SLC44A5: variants seen among roughly 807,000 people sequenced by gnomAD.
The protein encoded by SLC44A5 is solute carrier family 44 member 5.
SLC44A5 carries 57 observed loss-of-function variants against 101.8 expected under a neutral mutation model. That is an observed-to-expected ratio of 0.56 (90% CI 0.45 to 0.70). The LOEUF (loss-of-function observed/expected upper bound fraction) is 0.70. Among genes scored for constraint, SLC44A5 ranks in the 30% least tolerant of loss-of-function variants. The probability of loss-of-function intolerance (pLI) is 0.00; values close to 1 mark genes in which losing one functional copy is unlikely to be tolerated. For synonymous variants in SLC44A5, 281 were observed against 290.9 expected, an observed-to-expected ratio of 0.97 and a Z score of 0.35; for missense variants, 737 against 853.1, an observed-to-expected ratio of 0.86 and a Z score of 1.70.
intron 2 of SLC44A5, among the ~76,000 whole-genome samples, chr1:75,487,507 T>C (rs1668216151): frequency 1.3e-5 from 2 of 152,028 alleles, no homozygotes; most frequent in Admixed American, 1.3e-4. Context: ...CTAAGACCAG[T>C]TAATTGTTCG....
At chr1:75,553,150 C>T (rs765687722) in intron 1 of SLC44A5, among the ~76,000 whole-genome samples, 34 of 152,106 alleles carry the variant, frequency 2.2e-4, no homozygotes, top group African/African-American at 3.4e-4. Context: ...ACCATGACTA[C>T]GGCATGAATA....
At chr1:75,236,956 G>T in intron 11 of SLC44A5, 31 bp downstream of exon 11, 1 of 1,205,400 alleles carries the variant, frequency 8.3e-7, no homozygotes, top group Non-Finnish European at 1.2e-6. Context: ...GAATGGGGCT[G>T]GAGAAGAAAC....
chr1:75,276,448 TC>T (rs1651925471), intron 5 of SLC44A5, among the ~76,000 whole-genome samples: 2 of 152,292 alleles, frequency 1.3e-5, no homozygotes, highest in South Asian at 4.1e-4. Context: ...AATGCCTTAT[TC>T]TTTTTTTTGT....
the SLC44A5 span, among the ~76,000 whole-genome samples, chr1:75,679,903 A>G: frequency 2.3e-4 from 35 of 152,316 alleles, 1 homozygote; most frequent in South Asian, 7.3e-3. Flanking sequence ...GCTCAAAATA[A>G]AAGGATGGAG....
At chr1:75,271,497 T>TTTTGTGTGTGTGTGTGTG (rs1553152601) in intron 6 of SLC44A5, among the ~76,000 whole-genome samples, 86 of 146,302 alleles carry the variant, frequency 5.9e-4, no homozygotes, top group South Asian at 8.8e-4. Context: ...TCTGCATGTT[T>TTTTGTGTGTGTGTGTGTG]TGTGTGTGTG....
At chr1:75,634,834 T>C in the SLC44A5 span, among the ~76,000 whole-genome samples, 2 of 152,148 alleles carry the variant, frequency 1.3e-5, no homozygotes, top group South Asian at 2.1e-4. Flanking sequence ...AAAGAGCTTC[T>C]GCACAGCAAA....
chr1:75,278,471 T>C (rs541068183), intron 5 of SLC44A5, among the ~76,000 whole-genome samples: 1 of 152,132 alleles, frequency 6.6e-6, no homozygotes, highest in Non-Finnish European at 1.5e-5. Flanking sequence ...ATCCTTTTTA[T>C]AATAGTTAAC....
chr1:75,721,084 A>C, the SLC44A5 span, among the ~76,000 whole-genome samples: 17 of 152,118 alleles, frequency 1.1e-4, no homozygotes. Context: ...AGAGATTGTA[A>C]ATGTTTCTTA....
chr1:75,697,420 G>A, the SLC44A5 span, among the ~76,000 whole-genome samples: 393 of 152,280 alleles, frequency 2.6e-3, 4 homozygotes, highest in African/African-American at 9.1e-3. Context: ...CATATAATCA[G>A]AAGGTATAAG....
chr1:75,505,770 T>C lies in SLC44A5; in HGVS notation c.13+35665A>G, dbSNP rs1669218592. Among the ~76,000 whole-genome samples the C allele has an allele frequency of 2.0e-5, 3 of 152,202 alleles. No individual in the cohort carries two copies. In the South Asian group the frequency reaches 6.2e-4, roughly 31 times the overall value. ...AGATATTGGACCTTTGTTGGATGCA[T>C]AGTTGCAAATATTTTCTCCTATTCT... is the stretch of plus-strand genomic sequence containing the variant. On this transcript the variant is annotated intron_variant, in intron 2 of 23. Transcript: ENST00000370859.
upstream of SLC44A5, among the ~76,000 whole-genome samples, chr1:75,614,083 C>T (rs1312005687): frequency 6.6e-6 from 1 of 152,234 alleles, no homozygotes; most frequent in Non-Finnish European, 1.5e-5. Flanking sequence ...ATAGCCACAT[C>T]AGCAGTGCTG....
chr1:75,496,820 A>G (rs1181611178), intron 2 of SLC44A5, among the ~76,000 whole-genome samples: 1 of 152,122 alleles, frequency 6.6e-6, no homozygotes, highest in Non-Finnish European at 1.5e-5. Context: ...ATATGGGCAA[A>G]GGACTTAAAT....
chr1:75,316,651 G>A (rs987887768), intron 4 of SLC44A5, among the ~76,000 whole-genome samples: 8 of 152,156 alleles, frequency 5.3e-5, no homozygotes, highest in South Asian at 2.1e-4. Flanking sequence ...GACTTCTTTC[G>A]AATTTGTTAT....
At chr1:75,386,161 C>T (rs1481799258) in intron 3 of SLC44A5, among the ~76,000 whole-genome samples, 2 of 151,956 alleles carry the variant, frequency 1.3e-5, no homozygotes, top group South Asian at 2.1e-4. Context: ...GACAGGGATG[C>T]CCTCTCTCAC....
intron 2 of SLC44A5, among the ~76,000 whole-genome samples, chr1:75,519,537 A>G (rs10465739): frequency 0.17 from 25,088 of 152,018 alleles, 2,475 homozygotes; most frequent in African/African-American, 0.26. Flanking sequence ...CAGCCTGGGC[A>G]ACAGAGCTAG....
At chr1:75,685,101 C>T in the SLC44A5 span, among the ~76,000 whole-genome samples, 1 of 152,212 alleles carries the variant, frequency 6.6e-6, no homozygotes, top group Admixed American at 6.5e-5. Flanking sequence ...GGCTTGTACT[C>T]TCTGAATCAA....
chr1:75,642,849 G>T, the SLC44A5 span, among the ~76,000 whole-genome samples: 2 of 152,046 alleles, frequency 1.3e-5, no homozygotes, highest in African/African-American at 2.4e-5. Context: ...AACAAAAATT[G>T]GAAAGTTTTA....
intron 4 of SLC44A5, among the ~76,000 whole-genome samples, chr1:75,302,002 A>T (rs1187658357): frequency 6.6e-6 from 1 of 151,988 alleles, no homozygotes; most frequent in Admixed American, 6.6e-5. Context: ...ACCAGCAACA[A>T]ACTGTCATTT....
At chr1:75,293,090 G>A (rs950754685) in intron 5 of SLC44A5, among the ~76,000 whole-genome samples, 3 of 152,210 alleles carry the variant, frequency 2.0e-5, no homozygotes, top group African/African-American at 7.2e-5. Flanking sequence ...AGAAAGAGAA[G>A]AGAGAAGAGA....
Sources: allele counts gnomAD v4.1 joint callset (sites outside exome capture counted in the v4.1 genomes callset), GRCh38; gene constraint gnomAD v4.1.1; transcripts MANE v1.5; gene names NCBI Gene and HGNC (gene_info 2026-07-23, HGNC 2026-07-21).